Variants in MFSD6 observed in about 807,000 individuals in gnomAD.
The protein encoded by MFSD6 is major facilitator superfamily domain-containing protein 6.
In MFSD6, 26 loss-of-function variants were observed where a neutral mutation model predicts 56.3. The ratio of observed to expected loss-of-function variants is 0.46; its 90% CI spans 0.34 to 0.64. The LOEUF (loss-of-function observed/expected upper bound fraction) is 0.64, where lower values mean the gene tolerates loss of function less well. MFSD6 is among the 30% of genes least tolerant of loss of function. The pLI is 0.01. For synonymous variants in MFSD6, 331 were observed against 366.9 expected, an observed-to-expected ratio of 0.90 and a Z score of 1.12; for missense variants, 750 against 986.2, an observed-to-expected ratio of 0.76 and a Z score of 3.21.
chr2:190,458,085 T>A lies in MFSD6; in HGVS notation c.1533-11673T>A, dbSNP rs114557903. On this transcript the variant is annotated intron_variant, in intron 3 of 7. Coordinates refer to ENST00000392328, the MANE Select transcript of MFSD6 (RefSeq NM_017694.4). The surrounding 1 kb of genome is among the most constrained non-coding windows in gnomAD (Gnocchi z 5.3). Reference sequence around the variant, plus strand: ...GGTGTCACACACTCTGTTGCTGGTCTAGGGAGGAAATGGCTCTGGAAAAAA... The same window carrying A: ...GGTGTCACACACTCTGTTGCTGGTCAAGGGAGGAAATGGCTCTGGAAAAAA... 1.1e-3 allele frequency among the ~76,000 whole-genome samples: 162 copies of A among 152,268 alleles called. 1 individual carries two copies. Among genetic ancestry groups the A allele is most frequent in the African/African-American group, 3.7e-3 (153 of 41,550 alleles).
chr2:190,440,426 A>G (rs1686330857), intron 3 of MFSD6, among the ~76,000 whole-genome samples: 1 of 152,234 alleles, frequency 6.6e-6, no homozygotes, highest in Admixed American at 6.5e-5. Context: ...ACTTTTAAAA[A>G]TAAATTTCTT....
chr2:190,472,457 T>C (rs544898313), intron 4 of MFSD6, among the ~76,000 whole-genome samples: 2 of 152,316 alleles, frequency 1.3e-5, no homozygotes, highest in East Asian at 3.9e-4. Context: ...CCTTAGTAGC[T>C]GATTTGATCA....
Position 190,488,712 on chromosome 2 carries a change from T to G in MFSD6, c.1686T>G (p.Val562=). The G allele has an allele frequency of 6.2e-7, 1 of 1,604,254 alleles. No individual in the cohort carries two copies. The highest frequency in any genetic ancestry group is 8.5e-7 in the Non-Finnish European group (1 of 1,175,552). Residue 562 remains valine, a synonymous_variant, in exon 5 of 8, where the codon GTT becomes GTG. Transcript: ENST00000392328. This position sits in a 1 kb window ranked among gnomAD's most constrained non-coding sequence, Gnocchi z 6.4. ...AACISYLSAA[V]PPELRTSAQG... Reference sequence around the variant, plus strand: ...GCATTTCTTACCTCAGTGCAGCCGTTCCCCCTGAGCTGAGGACATCTGCTC... The same window carrying G: ...GCATTTCTTACCTCAGTGCAGCCGTGCCCCCTGAGCTGAGGACATCTGCTC...
chr2:190,437,110 A>G lies in MFSD6; in HGVS notation c.1081A>G (p.Lys361Glu), dbSNP rs1470061516. The G allele has an allele frequency of 6.2e-7, 1 of 1,614,228 alleles. No homozygotes were observed. The highest frequency in any genetic ancestry group is 2.2e-5 in the East Asian group (1 of 44,888). The part of the protein sequence containing the change: ...IEVLIDGKGC[K>E]PPEYRNYQIV... ...AGTGCTCATCGATGGAAAGGGGTGT[A>G]AGCCCCCCGAGTACAGGAATTACCA... Residue 361 changes from lysine to glutamate, a missense_variant, in exon 3 of 8, where the codon AAG (lysine) becomes GAG (glutamate). Lys to Glu is a moderately conservative substitution (Grantham distance 56, BLOSUM62 1). Around this residue, in one of 5 missense-constraint regions of MFSD6, gnomAD observed 376 missense variants for 437.9 expected, o/e 0.86. Transcript: ENST00000392328. This position sits in a 1 kb window ranked among gnomAD's most constrained non-coding sequence, Gnocchi z 5.9.
chr2:190,422,502 T>G, intron 2 of MFSD6, among the ~76,000 whole-genome samples: 1 of 152,226 alleles, frequency 6.6e-6, no homozygotes, highest in Admixed American at 6.5e-5. Context: ...AAAATGTCTT[T>G]ATTTCACCCA....
chr2:190,442,271 G>A (rs1401273176), intron 3 of MFSD6, among the ~76,000 whole-genome samples: 1 of 152,092 alleles, frequency 6.6e-6, no homozygotes, highest in African/African-American at 2.4e-5. Flanking sequence ...GTTCAATTTA[G>A]TTGAACAGTT....
At chr2:190,449,096 A>G (rs1458937076) in intron 3 of MFSD6, among the ~76,000 whole-genome samples, 2 of 152,248 alleles carry the variant, frequency 1.3e-5, no homozygotes, top group Non-Finnish European at 2.9e-5. Flanking sequence ...ATAAATGATT[A>G]CAAGTCTATT....
intron 4 of MFSD6, among the ~76,000 whole-genome samples, chr2:190,472,036 G>A (rs1269459613): frequency 6.6e-6 from 1 of 152,202 alleles, no homozygotes; most frequent in African/African-American, 2.4e-5. Flanking sequence ...GCTCCTGACT[G>A]TTAGAAGGAA....
chr2:190,465,926 G>C lies in MFSD6; in HGVS notation c.1533-3832G>C, dbSNP rs538622155. 1.8e-4 allele frequency among the ~76,000 whole-genome samples: 28 copies of C among 152,282 alleles called. No individual in the cohort carries two copies. Among genetic ancestry groups the C allele is most frequent in the African/African-American group, 6.5e-4 (27 of 41,560 alleles). On this transcript the variant is annotated intron_variant, in intron 3 of 7. Transcript: ENST00000392328. This position sits in a 1 kb window ranked among gnomAD's most constrained non-coding sequence, Gnocchi z 4.6. ...AAGAATCGCTTGAATCCGGGAGGCG[G>C]TGGTTACAGCAAACCAAGATCATGC...
At chr2:190,472,972 T>C (rs1412722344) in intron 4 of MFSD6, among the ~76,000 whole-genome samples, 1 of 152,200 alleles carries the variant, frequency 6.6e-6, no homozygotes, top group East Asian at 1.9e-4. Flanking sequence ...CAGAATTTCA[T>C]ATCCAGCCAA....
chr2:190,418,000 GT>G lies in MFSD6; in HGVS notation c.-54+2588del, dbSNP rs1690857118. 2.7e-5 allele frequency among the ~76,000 whole-genome samples: 4 copies of G among 146,530 alleles called. No homozygotes were observed. The highest frequency in any genetic ancestry group is 5.0e-5 in the African/African-American group (2 of 40,134). On this transcript the variant is annotated intron_variant, in intron 2 of 7. Coordinates refer to ENST00000392328, the MANE Select transcript of MFSD6 (RefSeq NM_017694.4). This position sits in a 1 kb window ranked among gnomAD's most constrained non-coding sequence, Gnocchi z 5.7. The stretch of plus-strand genomic sequence containing the variant: ...TGTGTGTGTGTGTGTGTGTGTGTGT[GT>G]ATGTGAGAGAGAGAGAGATGTGGTT...
Position 190,488,261 on chromosome 2 carries a change from A to C in MFSD6, c.1631-396A>C, listed in dbSNP as rs1022985824. On this transcript the variant is annotated intron_variant, in intron 4 of 7. Coordinates refer to ENST00000392328, the MANE Select transcript of MFSD6 (RefSeq NM_017694.4). The surrounding 1 kb of genome is among the most constrained non-coding windows in gnomAD (Gnocchi z 6.4). ...GCATACCAGGTTGATAGCAGCATTA[A>C]TCAAAGTAGCAGAAGGAAACAACAA... is the stretch of plus-strand genomic sequence containing the variant. Among the ~76,000 whole-genome samples the C allele has an allele frequency of 2.6e-5, 4 of 152,240 alleles. No homozygotes were observed.
chr2:190,408,038 C>T (rs920143566), upstream of MFSD6, among the ~76,000 whole-genome samples: 1 of 152,104 alleles, frequency 6.6e-6, no homozygotes, highest in Non-Finnish European at 1.5e-5. Context: ...GCGTGCTCCC[C>T]GGGCCCGGCT....
At chr2:190,407,977 G>A (rs1020529610), upstream of MFSD6, among the ~76,000 whole-genome samples, 18 of 152,230 alleles carry the variant, frequency 1.2e-4, no homozygotes, top group Non-Finnish European at 2.5e-4. This position sits in a 1 kb window ranked among gnomAD's most constrained non-coding sequence, Gnocchi z 5.4. Context: ...GGTGCGGGGG[G>A]GTGGAGGGTG....
chr2:190,411,234 A>C, intron 1 of MFSD6: 2 of 651,196 alleles, frequency 3.1e-6, no homozygotes, highest in Non-Finnish European at 1.9e-6. Flanking sequence ...ATCTCGGCCT[A>C]CTGCAACCTC....
At chr2:190,473,398 C>A (rs1574195376) in intron 4 of MFSD6, among the ~76,000 whole-genome samples, 1 of 152,054 alleles carries the variant, frequency 6.6e-6, no homozygotes, top group African/African-American at 2.4e-5. Context: ...GAAGATCTAC[C>A]AAGCAAATGG....
At chr2:190,432,019 T>C (rs1686021899) in intron 2 of MFSD6, among the ~76,000 whole-genome samples, 1 of 152,222 alleles carries the variant, frequency 6.6e-6, no homozygotes, top group Non-Finnish European at 1.5e-5. Flanking sequence ...GGACTGATAG[T>C]GTTTCCTGTT....
In MFSD6 at chr2:190,423,553, G is replaced by T. The variant is rs544087408; in HGVS notation, c.-54+8140G>T. 6.6e-6 allele frequency among the ~76,000 whole-genome samples: 1 copy of T among 152,220 alleles called. No individual in the cohort carries two copies. The highest frequency in any genetic ancestry group is 2.1e-4 in the South Asian group (1 of 4,826). On this transcript the variant is annotated intron_variant, in intron 2 of 7. Coordinates refer to ENST00000392328, the MANE Select transcript of MFSD6 (RefSeq NM_017694.4). The surrounding 1 kb of genome is among the most constrained non-coding windows in gnomAD (Gnocchi z 4.3). ...CCTTCCATCCTTTGAAGGGCTTTTG[G>T]GTTGTCTCCACTTTTTGGCTATTAT...
In MFSD6 at chr2:190,424,181, C is replaced by T. The variant is rs6748034; in HGVS notation, c.-54+8768C>T. Among the ~76,000 whole-genome samples, 46,243 of 150,614 alleles carry T rather than the reference C, an allele frequency of 0.31. 7,473 individuals are homozygous for T. Among genetic ancestry groups the T allele is most frequent in the African/African-American group, 0.4 (16,614 of 41,092 alleles). On this transcript the variant is annotated intron_variant, in intron 2 of 7. Coordinates refer to ENST00000392328, the MANE Select transcript of MFSD6 (RefSeq NM_017694.4). The surrounding 1 kb of genome is among the most constrained non-coding windows in gnomAD (Gnocchi z 5.9). ...TTTTTCCTTTTATGGATCATGGTAT[C>T]GGTGTCAAGTCTAAAAACTCTGCCT... is the stretch of plus-strand genomic sequence containing the variant.
Sources: allele counts gnomAD v4.1 joint callset (sites outside exome capture counted in the v4.1 genomes callset), GRCh38; gene constraint gnomAD v4.1.1; regional missense constraint gnomAD v4.1.1; non-coding constraint Gnocchi (gnomAD v3.1); transcripts MANE v1.5; gene names NCBI Gene and HGNC (gene_info 2026-07-23, HGNC 2026-07-21).